The following FAM53A variants were observed in gnomAD, a reference collection of about 807,000 sequenced individuals.
FAM53A encodes family with sequence similarity 53 member A.
FAM53A carries 28 observed loss-of-function variants against 26.6 expected under a neutral mutation model. The observed-to-expected ratio is 1.05, with a 90% CI of 0.78 to 1.45. FAM53A has a LOEUF of 1.45. Ranked by LOEUF, FAM53A falls within the 40% of genes most tolerant of loss-of-function variation. FAM53A has a pLI of 0.00. For missense variants in FAM53A, 650 were observed against 575.8 expected (o/e 1.13, Z -1.32); for synonymous variants, 290 against 253.1 (o/e 1.15, Z -1.38).
chr4:1,645,820 G>A (rs1056120699), intron 4 of FAM53A, among the ~76,000 whole-genome samples: 4 of 152,194 alleles, frequency 2.6e-5, no homozygotes, highest in South Asian at 2.1e-4. Flanking sequence ...TTCGGTCTGC[G>A]CCGTCTCAAA....
the FAM53A span, among the ~76,000 whole-genome samples, chr4:1,606,287 C>A: frequency 1.3e-4 from 19 of 151,884 alleles, no homozygotes; most frequent in African/African-American, 4.6e-4. Flanking sequence ...CCTCATGATC[C>A]TCCCGCCTCG....
Position 1,622,629 on chromosome 4 carries a change from G to A in FAM53A, c.432-4518C>T, listed in dbSNP as rs944389098. ...TCTCCAGCCCTGCATGCCCATTTGG[G>A]GGTCTGGCGGGGGCTGTGAGGGGAC... On this transcript the variant is annotated intron_variant, in intron 1 of 1. Transcript: ENST00000489029. Among the ~76,000 whole-genome samples the A allele has an allele frequency of 2.6e-5, 4 of 152,358 alleles. No individual in the cohort carries two copies. The South Asian group carries it at 6.2e-4, about 24-fold the overall frequency.
chr4:1,644,623 G>A, intron 4 of FAM53A: 1 of 419,702 alleles, frequency 2.4e-6, no homozygotes. Context: ...CCATCACTCT[G>A]GTTGGATGGT....
chr4:1,644,311 C>T lies in FAM53A; in HGVS notation c.883-2704G>A, dbSNP rs28716351. ...TAAGCTCACGCCGAGGCCTCGGACG[C>T]GGGACTCGCACTCGCGGGCACAGCT... On this transcript the variant is annotated intron_variant, in intron 4 of 4. Coordinates refer to ENST00000308132, the MANE Select transcript of FAM53A (RefSeq NM_001174070.3). 2.6e-3 allele frequency: 3,944 copies of T among 1,535,956 alleles called. 83 individuals are homozygous for T. The African/African-American group carries it at 0.047, about 18-fold the overall frequency.
chr4:1,651,001 G>A (rs865980219), intron 4 of FAM53A, among the ~76,000 whole-genome samples: 41 of 137,740 alleles, frequency 3.0e-4, no homozygotes, highest in African/African-American at 9.8e-4. Flanking sequence ...GGTGGATCAC[G>A]AGGTGAGGAG....
chr4:1,652,402 A>ACACACC (rs1712928972), intron 4 of FAM53A, among the ~76,000 whole-genome samples: 2 of 110,072 alleles, frequency 1.8e-5, no homozygotes, highest in South Asian at 3.6e-4. Context: ...CACCACACAC[A>ACACACC]CCAGACACAC....
chr4:1,607,219 C>T, the FAM53A span, among the ~76,000 whole-genome samples: 12 of 152,078 alleles, frequency 7.9e-5, no homozygotes, highest in Non-Finnish European at 1.6e-4. Flanking sequence ...GGGTTTCACC[C>T]TATTAGCCAG....
the FAM53A span, among the ~76,000 whole-genome samples, chr4:1,578,520 C>T: frequency 2.1e-4 from 32 of 151,874 alleles, no homozygotes; most frequent in Non-Finnish European, 3.8e-4. Context: ...TGAGGGGACC[C>T]TCAGTTACGG....
Position 1,641,580 on chromosome 4 carries a change from A to G in FAM53A, c.910T>C (p.Ser304Pro). 1 of 1,614,134 alleles carries G rather than the reference A, an allele frequency of 6.2e-7. No homozygotes were observed. Among genetic ancestry groups the G allele is most frequent in the Non-Finnish European group, 8.5e-7 (1 of 1,180,004 alleles). The stretch of plus-strand genomic sequence containing the variant: ...TCATCGTCATCTTCGTAATTGAGGG[A>G]GCAAAGGCTTTTTGAATTTTTTAAA... ...QTLKNSKSLC[S>P]LNYEDDDEDD... Residue 304 changes from serine to proline, a missense_variant, in exon 5 of 5, where the codon TCC (serine) becomes CCC (proline). Ser to Pro is a moderately conservative substitution (Grantham distance 74, BLOSUM62 -1). Transcript: ENST00000308132.
the FAM53A span, among the ~76,000 whole-genome samples, chr4:1,593,746 C>A: frequency 6.6e-6 from 1 of 152,106 alleles, no homozygotes; most frequent in Non-Finnish European, 1.5e-5. Flanking sequence ...GGAGAAATTC[C>A]TGACAATTCA....
intron 2 of FAM53A, among the ~76,000 whole-genome samples, chr4:1,660,900 G>C (rs1026889047): frequency 6.6e-6 from 1 of 151,580 alleles, no homozygotes; most frequent in African/African-American, 2.4e-5. Context: ...AAAACTAAAA[G>C]TTTTTTAAAA....
chr4:1,596,214 G>C, the FAM53A span, among the ~76,000 whole-genome samples: 2 of 152,234 alleles, frequency 1.3e-5, no homozygotes, highest in Non-Finnish European at 2.9e-5. Flanking sequence ...GCTGAGTTCT[G>C]ACTCACATCC....
the FAM53A span, among the ~76,000 whole-genome samples, chr4:1,609,367 C>T: frequency 1.3e-5 from 2 of 152,110 alleles, no homozygotes; most frequent in Non-Finnish European, 2.9e-5. Flanking sequence ...TGCACCTGCC[C>T]CGGGGCCTCT....
At chr4:1,604,000 C>T in the FAM53A span, among the ~76,000 whole-genome samples, 156 of 152,334 alleles carry the variant, frequency 1.0e-3, no homozygotes, top group African/African-American at 3.6e-3. Context: ...CAGCTGCTGC[C>T]TCCAGCCTGC....
intron 1 of FAM53A, among the ~76,000 whole-genome samples, chr4:1,631,988 C>A (rs1715628559): frequency 6.6e-6 from 1 of 152,002 alleles, no homozygotes; most frequent in African/African-American, 2.4e-5. Flanking sequence ...CATGATGAAA[C>A]CCCGTCTCTA....
the FAM53A span, among the ~76,000 whole-genome samples, chr4:1,602,091 T>C: frequency 1.3e-5 from 2 of 152,034 alleles, no homozygotes; most frequent in Non-Finnish European, 2.9e-5. Context: ...GCACCAGGGC[T>C]GGTTCATGGT....
intron 4 of FAM53A, among the ~76,000 whole-genome samples, chr4:1,652,380 A>G (rs946057990): frequency 3.7e-4 from 54 of 144,138 alleles, no homozygotes; most frequent in African/African-American, 1.3e-3. Context: ...CACACAACAC[A>G]CATCACATGC....
At chr4:1,578,266 T>G in the FAM53A span, among the ~76,000 whole-genome samples, 58 of 152,334 alleles carry the variant, frequency 3.8e-4, no homozygotes, top group African/African-American at 1.3e-3. Flanking sequence ...AAATGAAGCA[T>G]GCTAAATTGC....
In FAM53A at chr4:1,680,319, CAAAAAA is replaced by C. The variant is rs143458191; in HGVS notation, c.-165+3908_-165+3913del. Among the ~76,000 whole-genome samples the C allele has an allele frequency of 4.8e-5, 4 of 82,696 alleles. No individual in the cohort carries two copies. The Admixed American group carries it at 6.2e-4, about 13-fold the overall frequency. The allele number at this position is 82,696 out of a possible 152,430, so 54.3% of individuals were successfully genotyped here. A position where few individuals can be genotyped will look rare whatever the true frequency, so the allele number is the denominator to read the frequency against. On this transcript the variant is annotated intron_variant, in intron 1 of 4. Coordinates refer to ENST00000308132, the MANE Select transcript of FAM53A (RefSeq NM_001174070.3). ...GGGCAACGAGAGTGAAACTCCGTCT[CAAAAAA>C]AAAAAAAAAAAAAAAAAAAACACAC... is the stretch of plus-strand genomic sequence containing the variant.
Sources: gnomAD v4.1 joint callset for allele counts (sites outside exome capture counted in the v4.1 genomes callset) on GRCh38, gnomAD v4.1.1 for gene constraint, MANE v1.5 for transcripts, NCBI Gene and HGNC (gene_info 2026-07-23, HGNC 2026-07-21) for gene names.